The following CSMD1 variants were observed in gnomAD, a reference collection of about 807,000 sequenced individuals.
The protein encoded by CSMD1 is CUB and sushi domain-containing protein 1.
In CSMD1, 213 loss-of-function variants were observed where a neutral mutation model predicts 417.5. The observed-to-expected ratio is 0.51, with a 90% CI of 0.46 to 0.57. The LOEUF is 0.57. Among genes scored for constraint, CSMD1 ranks in the 20% least tolerant of loss-of-function variants. The probability of loss-of-function intolerance (pLI) is 0.00; values close to 1 mark genes in which losing one functional copy is unlikely to be tolerated. For synonymous variants in CSMD1, 2,862 were observed against 1,736.8 expected (o/e 1.65, Z -16.11); for missense variants, 6,923 against 4,529.7 (o/e 1.53, Z -15.17).
At chr8:3,116,878 G>A (rs1010764686) in intron 42 of CSMD1, among the ~76,000 whole-genome samples, 12 of 151,932 alleles carry the variant, frequency 7.9e-5, no homozygotes, top group Admixed American at 4.6e-4. Context: ...ATATATATGA[G>A]TTTCTAGAAC....
At chr8:3,263,442 A>G (rs1292648367) in intron 26 of CSMD1, among the ~76,000 whole-genome samples, 1 of 152,144 alleles carries the variant, frequency 6.6e-6, no homozygotes, top group Non-Finnish European at 1.5e-5. Context: ...TCCCCTATGT[A>G]TATATGGATA....
intron 2 of CSMD1, among the ~76,000 whole-genome samples, chr8:4,611,454 C>T (rs1369761990): frequency 6.6e-6 from 1 of 152,082 alleles, no homozygotes; most frequent in Non-Finnish European, 1.5e-5. Context: ...TCAGTGTGTA[C>T]CATTTCCTGA....
intron 3 of CSMD1, among the ~76,000 whole-genome samples, chr8:4,138,601 G>C (rs1424690396): frequency 6.8e-6 from 1 of 147,744 alleles, no homozygotes. Context: ...ATTCAAGAAA[G>C]CAAAACAAAA....
intron 8 of CSMD1, among the ~76,000 whole-genome samples, chr8:3,599,279 G>A (rs184646119): frequency 1.3e-5 from 2 of 152,050 alleles, no homozygotes; most frequent in African/African-American, 4.8e-5. Flanking sequence ...CTCCTCATGT[G>A]GCTACGTGTG....
intron 2 of CSMD1, among the ~76,000 whole-genome samples, chr8:4,473,274 G>C (rs544255673): frequency 2.0e-5 from 3 of 152,098 alleles, no homozygotes; most frequent in African/African-American, 7.2e-5. Context: ...TTACATTTTC[G>C]GATTTAGAAA....
At chr8:3,691,635 G>C (rs1389671930) in intron 7 of CSMD1, among the ~76,000 whole-genome samples, 5 of 152,120 alleles carry the variant, frequency 3.3e-5, no homozygotes, top group African/African-American at 1.2e-4. Context: ...AACTGACAGT[G>C]TTCCTAAGTA....
chr8:4,662,442 C>T (rs986008234), intron 1 of CSMD1, among the ~76,000 whole-genome samples: 5 of 152,112 alleles, frequency 3.3e-5, no homozygotes, highest in African/African-American at 9.7e-5. Flanking sequence ...TTTAATAACA[C>T]TAATTTCTTT....
intron 23 of CSMD1, among the ~76,000 whole-genome samples, chr8:3,326,447 C>A (rs895203174): frequency 6.6e-6 from 1 of 152,152 alleles, no homozygotes; most frequent in African/African-American, 2.4e-5. Flanking sequence ...TGAGGTGTTT[C>A]GGTTTCAGAG....
intron 2 of CSMD1, among the ~76,000 whole-genome samples, chr8:4,457,469 G>C (rs576581832): frequency 6.6e-6 from 1 of 152,110 alleles, no homozygotes; most frequent in African/African-American, 2.4e-5. Flanking sequence ...TTGCTTATTG[G>C]AAAAGATTAC....
At chr8:3,509,818 G>C (rs1017335938) in intron 10 of CSMD1, among the ~76,000 whole-genome samples, 2 of 152,100 alleles carry the variant, frequency 1.3e-5, no homozygotes, top group Non-Finnish European at 2.9e-5. Context: ...CCACCAGCCA[G>C]GTGTGAGGCT....
intron 1 of CSMD1, among the ~76,000 whole-genome samples, chr8:4,925,334 A>G (rs1227423824): frequency 2.1e-5 from 3 of 139,970 alleles, no homozygotes. Context: ...TGACGGGGTC[A>G]TGTGTTGTCA....
At chr8:4,074,621 G>T (rs924300566) in intron 3 of CSMD1, among the ~76,000 whole-genome samples, 1 of 151,826 alleles carries the variant, frequency 6.6e-6, no homozygotes, top group Admixed American at 6.6e-5. Context: ...CCTACATTTG[G>T]GCAGAACTCA....
intron 3 of CSMD1, among the ~76,000 whole-genome samples, chr8:4,374,266 T>C (rs1055000267): frequency 6.6e-6 from 1 of 152,186 alleles, no homozygotes; most frequent in Non-Finnish European, 1.5e-5. Context: ...GTTAATTTTT[T>C]TTAATACAGC....
rs538268939 is a variant in CSMD1 at position 3,254,287 on chromosome 8, T to C, written c.4154-24056A>G. ...TTCCCTTTGTGGGTAACCCGACCTTTCTCTCTGGCTGCCCTTAACATTTTT... is the reference window on the plus strand; with the variant it reads ...TTCCCTTTGTGGGTAACCCGACCTTCCTCTCTGGCTGCCCTTAACATTTTT... On this transcript the variant is annotated intron_variant, in intron 26 of 69. Coordinates refer to ENST00000635120, the MANE Select transcript of CSMD1 (RefSeq NM_033225.6). Among the ~76,000 whole-genome samples the C allele has an allele frequency of 1.1e-4, 16 of 152,314 alleles. No homozygotes were observed. The South Asian group carries it at 3.3e-3, about 32-fold the overall frequency.
At chr8:3,586,366 A>C (rs1408134852) in intron 8 of CSMD1, 106 bp from the exon 9 acceptor site, 2 of 1,117,152 alleles carry the variant, frequency 1.8e-6, no homozygotes, top group South Asian at 1.7e-5. Flanking sequence ...TGTTCAGTTA[A>C]AACAGCCTAA....
chr8:4,244,376 C>A (rs772050430), intron 3 of CSMD1, among the ~76,000 whole-genome samples: 3 of 152,060 alleles, frequency 2.0e-5, no homozygotes, highest in Non-Finnish European at 4.4e-5. Context: ...GACCTAGAAA[C>A]GGATGTTTTT....
At position 2,982,215 on chromosome 8, in the gene CSMD1, G is replaced by C. The variant is rs982305645; in HGVS notation, c.8378-3415C>G. The stretch of plus-strand genomic sequence containing the variant: ...TATTAAAAATACAAAAATTAGCCAG[G>C]CATGGTGGCAGGGGCCTGTAATTCC... On this transcript the variant is annotated intron_variant, in intron 54 of 69. Coordinates refer to ENST00000635120, the MANE Select transcript of CSMD1 (RefSeq NM_033225.6). Among the ~76,000 whole-genome samples, 4 of 152,082 alleles carry C rather than the reference G, an allele frequency of 2.6e-5. No individual in the cohort carries two copies. In the South Asian group the frequency reaches 6.2e-4, roughly 24 times the overall value.
chr8:3,587,352 G>A (rs900945699), intron 8 of CSMD1, among the ~76,000 whole-genome samples: 10 of 152,164 alleles, frequency 6.6e-5, no homozygotes, highest in East Asian at 3.9e-4. Flanking sequence ...TCTGACAAGC[G>A]CATTGTTACA....
intron 1 of CSMD1, among the ~76,000 whole-genome samples, chr8:4,688,281 G>A (rs1189353974): frequency 1.3e-5 from 2 of 152,044 alleles, no homozygotes; most frequent in Admixed American, 1.3e-4. Context: ...CTAACATAAT[G>A]AATCTATGTC....
Sources: allele counts gnomAD v4.1 joint callset (sites outside exome capture counted in the v4.1 genomes callset), GRCh38; gene constraint gnomAD v4.1.1; transcripts MANE v1.5; gene names NCBI Gene and HGNC (gene_info 2026-07-23, HGNC 2026-07-21).